Variants in LRRC53 observed in about 807,000 individuals in gnomAD.
LRRC53 encodes leucine rich repeat containing 53, also known as leucine-rich repeat-containing protein 53.
A neutral mutation model predicts 13.6 loss-of-function variants in LRRC53; 25 were observed. The observed-to-expected ratio is 1.83, with a 90% CI of 1.34 to 2.56. LRRC53 has a LOEUF of 2.56. Ranked by LOEUF, LRRC53 falls within the 30% of genes most tolerant of loss-of-function variation. The pLI is 0.00. For missense variants in LRRC53, 527 were observed against 275.8 expected, an observed-to-expected ratio of 1.91 and a Z score of -6.45; for synonymous variants, 204 against 109.8, an observed-to-expected ratio of 1.86 and a Z score of -5.37.
chr1:74,516,167 T>A (rs1388529647), upstream of LRRC53, among the ~76,000 whole-genome samples: 3 of 152,208 alleles, frequency 2.0e-5, no homozygotes, highest in Non-Finnish European at 2.9e-5. Context: ...TCAAAATTTT[T>A]AAAAATATGG....
chr1:74,507,447 C>G (rs909797926), intron 1 of LRRC53, among the ~76,000 whole-genome samples: 6 of 152,142 alleles, frequency 3.9e-5, no homozygotes, highest in African/African-American at 1.4e-4. Flanking sequence ...CACATGCGCA[C>G]GCACTTACAC....
At chr1:74,529,306 C>T in the LRRC53 span, among the ~76,000 whole-genome samples, 7 of 152,104 alleles carry the variant, frequency 4.6e-5, no homozygotes, top group Admixed American at 6.6e-5. Context: ...AACAACATCC[C>T]TTCTGTGATA....
At position 74,492,224 on chromosome 1, in the gene LRRC53, A is replaced by T. The variant is rs765132869; in HGVS notation, c.-26-8849T>A. ...GCATTAAGAAGTCGTTTCGAATTGG[A>T]ATATGCTCTAAATGCAAGGTCCTAT... On this transcript the variant is annotated intron_variant, in intron 1 of 4. Transcript: ENST00000294635. The T allele has an allele frequency of 7.4e-6, 12 of 1,612,380 alleles. No homozygotes were observed. The Admixed American group carries it at 1.8e-4, about 25-fold the overall frequency.
At chr1:74,492,319 T>C in intron 1 of LRRC53, 3 of 1,410,094 alleles carry the variant, frequency 2.1e-6, no homozygotes, top group East Asian at 4.8e-5. Context: ...CAGAATCTTA[T>C]CAAGACAGTC....
the LRRC53 span, among the ~76,000 whole-genome samples, chr1:74,522,764 A>T: frequency 6.6e-6 from 1 of 152,146 alleles, no homozygotes; most frequent in African/African-American, 2.4e-5. Context: ...CTGGATTAAA[A>T]CTGGTGTATT....
chr1:74,515,699 GACTGAAC>G (rs1646339511), upstream of LRRC53, among the ~76,000 whole-genome samples: 1 of 152,180 alleles, frequency 6.6e-6, no homozygotes, highest in Admixed American at 6.5e-5. Flanking sequence ...GAGGGATGGA[GACTGAAC>G]ACTGATGGAA....
chr1:74,491,464 T>A (rs1391818014), intron 1 of LRRC53, among the ~76,000 whole-genome samples: 1 of 152,086 alleles, frequency 6.6e-6, no homozygotes, highest in Non-Finnish European at 1.5e-5. Context: ...ATGGTGTCGA[T>A]CTCTTGACCT....
In LRRC53 at chr1:74,470,324, T is replaced by C. The variant is rs1667860948; in HGVS notation, c.3298A>G (p.Ile1100Val). The C allele has an allele frequency of 2.5e-6, 1 of 400,600 alleles. No individual in the cohort carries two copies. Among genetic ancestry groups the C allele is most frequent in the Non-Finnish European group, 4.4e-6 (1 of 226,186 alleles). The allele number at this position is 400,600 out of a possible 1,614,324, so 24.8% of individuals were successfully genotyped here. The stretch of plus-strand genomic sequence containing the variant: ...ATGCCTTTTAAGGTCATTTGTGAGA[T>C]CTGAGTTAACATACTAGAATCTGTC... ...SKTDSSMLTQISQMTLKGITK... is the reference protein window; with the variant it reads ...SKTDSSMLTQVSQMTLKGITK... Residue 1100 changes from isoleucine (I) to valine (V), a missense_variant, in exon 5 of 5, where the codon ATC becomes GTC. By Grantham distance (29) the Ile-to-Val change is conservative. Transcript: ENST00000294635.
rs889527267 is a variant in LRRC53, at chr1:74,490,065, A to C, written c.-26-6690T>G. Among the ~76,000 whole-genome samples, 437 of 150,956 alleles carry C rather than the reference A, an allele frequency of 2.9e-3. 2 individuals carry two copies. The highest frequency in any genetic ancestry group is 0.01 in the African/African-American group (427 of 41,302). ...TTTTTTTTTCTAAAAAAAAAAAAAAAAAAAAAAAAAACTCAACTAAGAGTC... is the reference window on the plus strand; with the variant it reads ...TTTTTTTTTCTAAAAAAAAAAAAAACAAAAAAAAAAACTCAACTAAGAGTC... On this transcript the variant is annotated intron_variant, in intron 1 of 4. Transcript: ENST00000294635.
At chr1:74,483,900 G>A (rs1288356684) in intron 1 of LRRC53, among the ~76,000 whole-genome samples, 1 of 152,026 alleles carries the variant, frequency 6.6e-6, no homozygotes, top group Non-Finnish European at 1.5e-5. Context: ...CCACACCTAG[G>A]GAGTGAGTAT....
At chr1:74,528,886 C>A in the LRRC53 span, among the ~76,000 whole-genome samples, 3 of 152,094 alleles carry the variant, frequency 2.0e-5, no homozygotes, top group South Asian at 6.2e-4. Flanking sequence ...GACTTTAAGG[C>A]TGACACAAGG....
rs1364551415 is a variant in LRRC53 at position 74,469,918 on chromosome 1, G to A, written c.3704C>T (p.Ser1235Phe). 2.5e-6 allele frequency: 1 copy of A among 400,634 alleles called. No homozygotes were observed. Among genetic ancestry groups the A allele is most frequent in the Non-Finnish European group, 4.4e-6 (1 of 226,116 alleles). The allele number at this position is 400,634 out of a possible 1,614,324, so 24.8% of individuals were successfully genotyped here. Residue 1235 changes from serine (S) to phenylalanine (F), a missense_variant, in exon 5 of 5, where the codon TCT (serine) becomes TTT (phenylalanine). Transcript: ENST00000294635. Reference protein sequence around the residue: ...SAPKPVLYPPSAEYATTSPLE... With the variant: ...SAPKPVLYPPFAEYATTSPLE... Reference sequence around the variant, plus strand: ...AGGTGATGTAGTAGCATATTCAGCAGATGGTGGATACAGTACAGGTTTTGG... The same window carrying A: ...AGGTGATGTAGTAGCATATTCAGCAAATGGTGGATACAGTACAGGTTTTGG...
chr1:74,472,420 T>A (rs1179913390), intron 4 of LRRC53, among the ~76,000 whole-genome samples: 1 of 152,224 alleles, frequency 6.6e-6, no homozygotes. Context: ...TCAGTTGCGA[T>A]GCTGACTTAA....
Position 74,471,305 on chromosome 1 carries a change from G to T in LRRC53, c.2317C>A (p.Gln773Lys). 1 of 400,662 alleles carries T rather than the reference G, an allele frequency of 2.5e-6. No homozygotes were observed. 24.8% of individuals were successfully genotyped at this position (400,662 alleles called of 1,614,324 possible). ...CTAACATAGTTGCTACTCTCTGACT[G>T]TTGAAGAAAATCTGCAGAACACACA... Reference protein sequence around the residue: ...NTVCSADFLQQSESSNYVRLT... With the variant: ...NTVCSADFLQKSESSNYVRLT... Residue 773 changes from glutamine to lysine, a missense_variant, in exon 5 of 5, where the codon CAG (glutamine) becomes AAG (lysine). Transcript: ENST00000294635.
chr1:74,475,477 A>G lies in LRRC53; in HGVS notation c.1238T>C (p.Leu413Ser), dbSNP rs1306695514. The change falls in exon 4 of 5, where the codon TTA becomes TCA. Residue 413 changes from leucine to serine, a missense_variant. Coordinates refer to ENST00000294635, the MANE Select transcript of LRRC53 (RefSeq NM_001382280.1). ...CAGCAATCTACCATCCTGGCAAAAT[A>G]AAGTGCTGCCTACCCCACGGTCTTT... ...KKKDRGVGST[L>S]FCQDGRLLHS... is the part of the protein sequence containing the mutation. The G allele has an allele frequency of 1.4e-6, 1 of 717,094 alleles. No homozygotes were observed. The highest frequency in any genetic ancestry group is 2.0e-5 in the Admixed American group (1 of 49,962). 44.4% of individuals were successfully genotyped at this position (717,094 alleles called of 1,614,324 possible). A position where few individuals can be genotyped will look rare whatever the true frequency, so the allele number is the denominator to read the frequency against.
chr1:74,502,489 G>A (rs756117776), intron 1 of LRRC53, among the ~76,000 whole-genome samples: 1 of 152,156 alleles, frequency 6.6e-6, no homozygotes, highest in Admixed American at 6.5e-5. Flanking sequence ...GGGCCTGTCC[G>A]GTAGTGTTTT....
chr1:74,505,342 G>T (rs973798518), intron 1 of LRRC53, among the ~76,000 whole-genome samples: 4 of 152,106 alleles, frequency 2.6e-5, no homozygotes, highest in African/African-American at 7.2e-5. Flanking sequence ...CTCTGGCCTC[G>T]CCCTGCTCCC....
chr1:74,488,518 A>G (rs762821396), intron 1 of LRRC53, among the ~76,000 whole-genome samples: 1 of 152,252 alleles, frequency 6.6e-6, no homozygotes, highest in Non-Finnish European at 1.5e-5. Flanking sequence ...ATTTTCTCAG[A>G]AGAGGCCAAC....
chr1:74,481,761 A>G (rs916544583), intron 2 of LRRC53, among the ~76,000 whole-genome samples: 1 of 152,212 alleles, frequency 6.6e-6, no homozygotes. Context: ...AAGAAGTATT[A>G]TAATCAGGAG....
Sources: allele counts gnomAD v4.1 joint callset (sites outside exome capture counted in the v4.1 genomes callset), GRCh38; gene constraint gnomAD v4.1.1; transcripts MANE v1.5; gene names NCBI Gene and HGNC (gene_info 2026-07-23, HGNC 2026-07-21).